ABTB3: variants seen among roughly 807,000 people sequenced by gnomAD.
ABTB3 encodes ankyrin repeat and BTB domain containing 3.
chr12:107,452,449 G>A, the ABTB3 span, among the ~76,000 whole-genome samples: 2 of 151,856 alleles, frequency 1.3e-5, no homozygotes, highest in East Asian at 1.9e-4. Flanking sequence ...TTCGTGATCC[G>A]CCTGCCTCGG....
At chr12:107,635,850 A>ACCCCCCCCCCCCCCC in the ABTB3 span, among the ~76,000 whole-genome samples, 2 of 56,658 alleles carry the variant, frequency 3.5e-5, no homozygotes, top group Admixed American at 4.7e-4. Flanking sequence ...GGGAGGAACA[A>ACCCCCCCCCCCCCCC]CCCCCCCCCC....
the ABTB3 span, among the ~76,000 whole-genome samples, chr12:107,364,992 T>C: frequency 2.0e-5 from 3 of 152,198 alleles, no homozygotes; most frequent in Admixed American, 1.3e-4. Flanking sequence ...TCCAGTACTC[T>C]GTACACAGTA....
chr12:107,343,332 T>A, the ABTB3 span, among the ~76,000 whole-genome samples: 1 of 152,046 alleles, frequency 6.6e-6, no homozygotes, highest in Non-Finnish European at 1.5e-5. Context: ...TTCTTTTGTA[T>A]CTCTTTCCTG....
chr12:107,586,957 G>A, the ABTB3 span, among the ~76,000 whole-genome samples: 1 of 152,230 alleles, frequency 6.6e-6, no homozygotes, highest in Non-Finnish European at 1.5e-5. Context: ...TGTATCAGGT[G>A]GAGAAGGTGA....
the ABTB3 span, among the ~76,000 whole-genome samples, chr12:107,427,073 G>A: frequency 6.6e-6 from 1 of 152,330 alleles, no homozygotes; most frequent in Non-Finnish European, 1.5e-5. Context: ...CTATGGTCAT[G>A]GAGGTCAGAA....
At chr12:107,463,458 A>G in the ABTB3 span, among the ~76,000 whole-genome samples, 1 of 152,138 alleles carries the variant, frequency 6.6e-6, no homozygotes, top group East Asian at 1.9e-4. Context: ...ACATTATCTC[A>G]TTTCACCCTT....
At chr12:107,531,018 G>A in the ABTB3 span, among the ~76,000 whole-genome samples, 1 of 152,218 alleles carries the variant, frequency 6.6e-6, no homozygotes, top group African/African-American at 2.4e-5. Context: ...GCAGACCTTA[G>A]AGTCAGACAG....
chr12:107,421,391 G>A, the ABTB3 span, among the ~76,000 whole-genome samples: 2 of 152,186 alleles, frequency 1.3e-5, no homozygotes, highest in East Asian at 1.9e-4. Flanking sequence ...GAGAGGGATG[G>A]CAAGTACTGA....
the ABTB3 span, among the ~76,000 whole-genome samples, chr12:107,376,764 T>C: frequency 1.3e-5 from 2 of 151,940 alleles, no homozygotes; most frequent in Admixed American, 1.3e-4. Flanking sequence ...AGAGCTGCCT[T>C]TTATTGAGTG....
chr12:107,360,051 T>A, the ABTB3 span, among the ~76,000 whole-genome samples: 1 of 152,178 alleles, frequency 6.6e-6, no homozygotes, highest in South Asian at 2.1e-4. Flanking sequence ...TTATGCTGAG[T>A]TATAAAATCC....
chr12:107,617,136 CGAG>C, the ABTB3 span: 2 of 1,614,104 alleles, frequency 1.2e-6, no homozygotes, highest in Non-Finnish European at 1.7e-6. Flanking sequence ...TGGAGCATGG[CGAG>C]GAGAACTACT....
the ABTB3 span, among the ~76,000 whole-genome samples, chr12:107,541,165 G>A: frequency 6.6e-6 from 1 of 152,170 alleles, no homozygotes; most frequent in African/African-American, 2.4e-5. Context: ...CCCTCCCTCA[G>A]ACAGGAAACA....
At chr12:107,474,039 C>T in the ABTB3 span, among the ~76,000 whole-genome samples, 1,440 of 152,354 alleles carry the variant, frequency 9.5e-3, 36 homozygotes, top group African/African-American at 0.033. Context: ...CTGCCTTGGC[C>T]TCCCAAAGTG....
At chr12:107,412,211 A>C in the ABTB3 span, among the ~76,000 whole-genome samples, 1 of 152,114 alleles carries the variant, frequency 6.6e-6, no homozygotes, top group African/African-American at 2.4e-5. Flanking sequence ...ATAACCCTTC[A>C]TTTTATTCCT....
the ABTB3 span, among the ~76,000 whole-genome samples, chr12:107,623,358 C>CTTTT: frequency 2.9e-5 from 2 of 69,622 alleles, no homozygotes; most frequent in African/African-American, 5.8e-5. Context: ...CACGCCTGGC[C>CTTTT]TTTTTTTTTT....
chr12:107,397,653 C>T, the ABTB3 span, among the ~76,000 whole-genome samples: 11,832 of 152,110 alleles, frequency 0.078, 530 homozygotes, highest in Middle Eastern at 0.14. Context: ...TTTATGATTA[C>T]GATTTTCTTG....
At chr12:107,521,263 TTGTGTGTGTGTG>T in the ABTB3 span, among the ~76,000 whole-genome samples, 109 of 142,956 alleles carry the variant, frequency 7.6e-4, no homozygotes, top group Admixed American at 2.4e-3. Context: ...TTCATATAAG[TTGTGTGTGTGTG>T]TGTGTGTGTG....
the ABTB3 span, among the ~76,000 whole-genome samples, chr12:107,499,381 T>TGC: frequency 6.6e-5 from 10 of 151,476 alleles, no homozygotes; most frequent in African/African-American, 2.4e-4. Flanking sequence ...TGTGTGTGTG[T>TGC]GCGTGTGGTG....
chr12:107,503,775 G>A, the ABTB3 span, among the ~76,000 whole-genome samples: 6,206 of 78,188 alleles, frequency 0.079, 174 homozygotes, highest in Non-Finnish European at 0.094. Flanking sequence ...AAAAAAAAAA[G>A]AAGAAGAAGA....
Sources: gnomAD v4.1 joint callset for allele counts (sites outside exome capture counted in the v4.1 genomes callset) on GRCh38, gnomAD v4.1.1 for gene constraint, MANE v1.5 for transcripts, NCBI Gene and HGNC (gene_info 2026-07-23, HGNC 2026-07-21) for gene names.